Variants in NAE1 observed in about 807,000 individuals in gnomAD.
The protein encoded by NAE1 is NEDD8 activating enzyme E1 subunit 1, also known as NEDD8-activating enzyme E1 regulatory subunit.
A neutral mutation model predicts 88.0 loss-of-function variants in NAE1; 59 were observed. That is an observed-to-expected ratio of 0.67 (90% CI 0.54 to 0.83). The LOEUF (loss-of-function observed/expected upper bound fraction) is 0.83, where lower values mean the gene tolerates loss of function less well. Ranked by LOEUF, NAE1 falls within the 40% of genes least tolerant of loss-of-function variation. The pLI is 0.00. For missense variants in NAE1, 554 were observed against 632.8 expected (o/e 0.88, Z 1.34); for synonymous variants, 186 against 208.9 (o/e 0.89, Z 0.95).
intron 5 of NAE1, 110 bp downstream of exon 5, chr16:66,823,419 T>C: frequency 7.8e-7 from 1 of 1,283,120 alleles, no homozygotes; most frequent in Non-Finnish European, 1.1e-6. Context: ...CAATTCCAAT[T>C]CAACTAATCA....
chr16:66,817,167 A>G, intron 9 of NAE1, 139 bp from the exon 10 acceptor site: 1 of 1,201,898 alleles, frequency 8.3e-7, no homozygotes, highest in East Asian at 2.6e-5. Context: ...CTCACTTGAT[A>G]GAAAACAGAC....
chr16:66,830,950 C>A lies in NAE1; in HGVS notation c.-51G>T, dbSNP rs781707598. 14 of 1,474,250 alleles carry A rather than the reference C, an allele frequency of 9.5e-6. No homozygotes were observed. The highest frequency in any genetic ancestry group is 1.3e-5 in the Non-Finnish European group (14 of 1,117,390). 91.3% of individuals were successfully genotyped at this position (1,474,250 alleles called of 1,614,324 possible). On this transcript the variant is annotated 5_prime_UTR_variant, in exon 1 of 20. Coordinates refer to ENST00000290810, the MANE Select transcript of NAE1 (RefSeq NM_003905.4). ...GCCGAGCCCCTGCGGAGCGCCGCCA[C>A]CAGCTCCACAAGCGCGCAGGCGCAC...
At chr16:66,812,557 C>T (rs1182940180) in intron 13 of NAE1, among the ~76,000 whole-genome samples, 1 of 123,228 alleles carries the variant, frequency 8.1e-6, no homozygotes, top group Non-Finnish European at 1.6e-5. Flanking sequence ...CTTGCTCTGT[C>T]TCCAGGCTGG....
chr16:66,818,876 C>G (rs1278677670), intron 7 of NAE1, among the ~76,000 whole-genome samples: 2 of 152,122 alleles, frequency 1.3e-5, no homozygotes, highest in African/African-American at 4.8e-5. Context: ...GTCACCCAGG[C>G]TAGTCTCAAA....
At chr16:66,803,178 T>G in intron 19 of NAE1, 60 bp from the exon 20 acceptor site, 1 of 1,148,588 alleles carries the variant, frequency 8.7e-7, no homozygotes, top group Non-Finnish European at 1.3e-6. Flanking sequence ...AGTTACATAC[T>G]CAATTCTGTA....
At position 66,817,011 on chromosome 16, in the gene NAE1, A is replaced by C. The variant is rs1206855267; in HGVS notation, c.702T>G (p.Pro234=). ...QWYSETNGRI[P]KTYKEKEDFR... The stretch of plus-strand genomic sequence containing the variant: ...AGTCCTCTTTTTCTTTATACGTTTT[A>C]GGTATTCGTCCATTTGTCTAAATTG... The change falls in exon 10 of 20, where the codon CCT becomes CCG. Residue 234 remains proline (P), a synonymous_variant. Transcript: ENST00000290810. 6.3e-7 allele frequency: 1 copy of C among 1,596,960 alleles called. No homozygotes were observed. The highest frequency in any genetic ancestry group is 1.8e-5 in the Admixed American group (1 of 55,406).
chr16:66,813,892 C>A, intron 11 of NAE1, 46 bp from the exon 12 acceptor site: 1 of 1,533,936 alleles, frequency 6.5e-7, no homozygotes. Flanking sequence ...ATTAAGAATT[C>A]GCCCATCTTT....
chr16:66,810,224 GA>G lies in NAE1; in HGVS notation c.1150+149del, dbSNP rs369875401. The G allele has an allele frequency of 2.3e-3, 1,300 of 569,802 alleles. 1 individual carries two copies. The highest frequency in any genetic ancestry group is 2.6e-3 in the Non-Finnish European group (839 of 320,746). 35.3% of individuals were successfully genotyped at this position (569,802 alleles called of 1,614,324 possible). A position where few individuals can be genotyped will look rare whatever the true frequency, so the allele number is the denominator to read the frequency against. On this transcript the variant is annotated intron_variant, in intron 15 of 19. Coordinates refer to ENST00000290810, the MANE Select transcript of NAE1 (RefSeq NM_003905.4). ...CTCGCCATGTATTGTATTATGAGAG[GA>G]AAAAAAAAACCTTACCCAATAATTA...
At chr16:66,806,600 A>C (rs1959576740) in intron 17 of NAE1, among the ~76,000 whole-genome samples, 1 of 151,878 alleles carries the variant, frequency 6.6e-6, no homozygotes, top group Non-Finnish European at 1.5e-5. Context: ...AATTTTTTCT[A>C]TTTTTAGTTT....
intron 6 of NAE1, 103 bp from the exon 7 acceptor site, chr16:66,821,662 AAAT>A (rs1960267139): frequency 3.1e-6 from 3 of 959,556 alleles, no homozygotes; most frequent in South Asian, 4.1e-5. Flanking sequence ...CTTTCTTACT[AAAT>A]AATAGATGCA....
At chr16:66,810,863 T>C in intron 13 of NAE1, 91 bp from the exon 14 acceptor site, 1 of 1,125,902 alleles carries the variant, frequency 8.9e-7, no homozygotes. Flanking sequence ...TTCCTTTTCA[T>C]GAAAAAACAC....
intron 3 of NAE1, among the ~76,000 whole-genome samples, chr16:66,825,754 T>C (rs1269843190): frequency 6.6e-6 from 1 of 152,152 alleles, no homozygotes; most frequent in Non-Finnish European, 1.5e-5. Context: ...GGCCCAGATA[T>C]GAGGCTGCTG....
chr16:66,818,495 A>C, intron 8 of NAE1, 33 bp downstream of exon 8: 3 of 1,534,600 alleles, frequency 2.0e-6, no homozygotes, highest in South Asian at 2.4e-5. Flanking sequence ...TTTTAAGTCT[A>C]TCTGTAAATG....
intron 3 of NAE1, among the ~76,000 whole-genome samples, 199 bp from the exon 4 acceptor site, chr16:66,825,084 C>G (rs1213007226): frequency 6.6e-6 from 1 of 152,144 alleles, no homozygotes; most frequent in African/African-American, 2.4e-5. Context: ...GTTTCTTTCC[C>G]AAATTGTGTA....
intron 11 of NAE1, among the ~76,000 whole-genome samples, chr16:66,816,327 G>T (rs1404507408): frequency 6.6e-6 from 1 of 151,908 alleles, no homozygotes; most frequent in African/African-American, 2.4e-5. Flanking sequence ...ACCATGCCCA[G>T]CTAATTTTTG....
At chr16:66,824,769 G>A (rs527804278) in intron 4 of NAE1, 86 bp downstream of exon 4, 9 of 1,227,130 alleles carry the variant, frequency 7.3e-6, no homozygotes, top group African/African-American at 6.1e-5. Flanking sequence ...AATAATACAC[G>A]TTTTTAAAGT....
intron 13 of NAE1, 97 bp downstream of exon 13, chr16:66,813,467 T>C (rs1959903785): frequency 7.2e-7 from 1 of 1,387,088 alleles, no homozygotes; most frequent in South Asian, 1.4e-5. Context: ...AATGAGGTTG[T>C]AATAAACTTT....
At chr16:66,808,882 G>A (rs111552402) in intron 16 of NAE1, 107 bp downstream of exon 16, 9,253 of 714,994 alleles carry the variant, frequency 0.013, 268 homozygotes, top group South Asian at 0.09. Flanking sequence ...ATATGTTTAC[G>A]TTATCTTTAA....
intron 7 of NAE1, among the ~76,000 whole-genome samples, chr16:66,820,717 T>A (rs745844795): frequency 6.6e-6 from 1 of 152,044 alleles, no homozygotes; most frequent in Non-Finnish European, 1.5e-5. Context: ...CTGGCTAACA[T>A]GGTGAAACCC....
Sources: allele counts gnomAD v4.1 joint callset (sites outside exome capture counted in the v4.1 genomes callset), GRCh38; gene constraint gnomAD v4.1.1; transcripts MANE v1.5; gene names NCBI Gene and HGNC (gene_info 2026-07-23, HGNC 2026-07-21).